Variants in PEDS1 observed in about 807,000 individuals in gnomAD.
PEDS1 encodes the protein plasmanylethanolamine desaturase 1, also known as CarF homolog.
A neutral mutation model predicts 35.2 loss-of-function variants in PEDS1; 14 were observed. The observed-to-expected ratio is 0.40, with a 90% confidence interval of 0.26 to 0.62. The LOEUF (loss-of-function observed/expected upper bound fraction) is 0.62. PEDS1 is among the 20% of genes least tolerant of loss of function. The probability of loss-of-function intolerance (pLI) is 0.44; values close to 1 mark genes in which losing one functional copy is unlikely to be tolerated. For synonymous variants in PEDS1, 152 were observed against 152.0 expected (o/e 1.00, Z 0.00); for missense variants, 260 against 367.8 (o/e 0.71, Z 2.40).
Position 50,124,860 on chromosome 20 carries a change from AGG to A in PEDS1, c.*196_*197del. 1.6e-6 allele frequency: 1 copy of A among 635,038 alleles called. No homozygotes were observed. Among genetic ancestry groups the A allele is most frequent in the Non-Finnish European group, 2.5e-6 (1 of 395,190 alleles). 39.3% of individuals were successfully genotyped at this position (635,038 alleles called of 1,614,324 possible). A position where few individuals can be genotyped will look rare whatever the true frequency, so the allele number is the denominator to read the frequency against. ...AACTCAGGTGGCTGAGGAGGGGCCGAGGAAAAAAAAAAAAAAGAAATGAAAAA... is the reference window on the plus strand; with the variant it reads ...AACTCAGGTGGCTGAGGAGGGGCCGAAAAAAAAAAAAAAAGAAATGAAAAA... On this transcript the variant is annotated 3_prime_UTR_variant, in exon 6 of 6. Transcript: ENST00000371652.
At position 50,121,276 on chromosome 20, in the gene PEDS1, T is replaced by G. The variant is rs2081048693; in HGVS notation, c.*3782A>C. On this transcript the variant is annotated 3_prime_UTR_variant, in exon 6 of 6. Transcript: ENST00000371652. ...TCTCAGGCATGCTGCAGTTGCCTCA[T>G]AGTGGACACATTTCTCACGTGCCAC... 6.6e-6 allele frequency: 1 copy of G among 152,304 alleles called. No homozygotes were observed. Among genetic ancestry groups the G allele is most frequent in the African/African-American group, 2.4e-5 (1 of 41,456 alleles). The allele number at this position is 152,304 out of a possible 1,614,324, so 9.4% of individuals were successfully genotyped here.
intron 2 of PEDS1, among the ~76,000 whole-genome samples, chr20:50,137,526 A>G (rs1377032586): frequency 6.6e-6 from 1 of 152,142 alleles, no homozygotes; most frequent in African/African-American, 2.4e-5. Flanking sequence ...AAAACATCAG[A>G]TAGATACCAA....
chr20:50,126,073 C>T (rs892330814), intron 5 of PEDS1, among the ~76,000 whole-genome samples: 2 of 152,138 alleles, frequency 1.3e-5, no homozygotes, highest in African/African-American at 2.4e-5. Flanking sequence ...TAACCATCTT[C>T]GTTAATTCTC....
intron 2 of PEDS1, 34 bp from the exon 3 acceptor site, chr20:50,130,981 T>C: frequency 6.2e-7 from 1 of 1,614,162 alleles, no homozygotes. Flanking sequence ...GGGACATCCC[T>C]GCACCCCCCC....
intron 1 of PEDS1, among the ~76,000 whole-genome samples, chr20:50,151,683 C>A (rs1194120300): frequency 6.6e-6 from 1 of 152,168 alleles, no homozygotes; most frequent in Non-Finnish European, 1.5e-5. Context: ...CACAGTGAAA[C>A]CCCATCTCTA....
rs141164762 is a variant in PEDS1 at position 50,131,346 on chromosome 20, T to G, written c.242-399A>C. Among the ~76,000 whole-genome samples, 73 of 152,242 alleles carry G rather than the reference T, an allele frequency of 4.8e-4. No homozygotes were observed. In the East Asian group the frequency reaches 8.9e-3, roughly 19 times the overall value. On this transcript the variant is annotated intron_variant, in intron 2 of 5. Transcript: ENST00000371652. ...TTAGAAAGAAAGTACCTCGGCCAGG[T>G]GCGGTGGCTCATGCTTTGTAATCCC...
chr20:50,151,234 G>A (rs764520443), intron 1 of PEDS1: 6 of 1,304,260 alleles, frequency 4.6e-6, no homozygotes, highest in East Asian at 5.5e-5. Flanking sequence ...AGGAGATAAA[G>A]GGCCTTGATT....
At chr20:50,140,524 G>A (rs1290454255) in intron 2 of PEDS1, among the ~76,000 whole-genome samples, 2 of 152,202 alleles carry the variant, frequency 1.3e-5, no homozygotes, top group African/African-American at 4.8e-5. Context: ...CACGAGGCAC[G>A]TGCCAACCTC....
At chr20:50,144,137 C>A (rs1446731956) in intron 1 of PEDS1, among the ~76,000 whole-genome samples, 2 of 152,184 alleles carry the variant, frequency 1.3e-5, no homozygotes, top group African/African-American at 2.4e-5. Context: ...GGGCTGGATG[C>A]ATTAAACCAA....
chr20:50,148,356 G>A (rs1048850218), intron 1 of PEDS1, among the ~76,000 whole-genome samples: 1 of 152,180 alleles, frequency 6.6e-6, no homozygotes, highest in Non-Finnish European at 1.5e-5. Flanking sequence ...TAACAGATGA[G>A]CAGACTGAGG....
intron 1 of PEDS1, among the ~76,000 whole-genome samples, chr20:50,150,941 C>A (rs1351241368): frequency 6.6e-6 from 1 of 152,124 alleles, no homozygotes; most frequent in Non-Finnish European, 1.5e-5. Context: ...AGTGATCCAC[C>A]CACCTCGGCC....
intron 1 of PEDS1, among the ~76,000 whole-genome samples, chr20:50,148,040 A>T (rs2081364173): frequency 6.6e-6 from 1 of 152,232 alleles, no homozygotes; most frequent in Non-Finnish European, 1.5e-5. Flanking sequence ...CAGTGAGCCG[A>T]GATCGTGCCA....
At chr20:50,152,669 T>C (rs1049867649) in intron 1 of PEDS1, among the ~76,000 whole-genome samples, 5 of 152,158 alleles carry the variant, frequency 3.3e-5, no homozygotes, top group Admixed American at 3.3e-4. Context: ...CTCCAACTTA[T>C]GATCTGGTCT....
At chr20:50,147,655 C>T (rs934672197) in intron 1 of PEDS1, among the ~76,000 whole-genome samples, 3 of 152,198 alleles carry the variant, frequency 2.0e-5, no homozygotes, top group Admixed American at 6.5e-5. Context: ...CCATGGAGAA[C>T]GTCCTCCAAA....
Position 50,142,693 on chromosome 20 carries a change from C to CA in PEDS1, c.241+808_241+809insT, listed in dbSNP as rs1049032499. The stretch of plus-strand genomic sequence containing the variant: ...ACCTCAAGTCATCCGCCCCCCCCCC[C>CA]CCGCCCCAACGGCCTCCCACAGTGC... On this transcript the variant is annotated intron_variant, in intron 2 of 5. Coordinates refer to ENST00000371652, the MANE Select transcript of PEDS1 (RefSeq NM_199129.4). 1.4e-4 allele frequency among the ~76,000 whole-genome samples: 14 copies of CA among 102,886 alleles called. 1 individual carries two copies. Among genetic ancestry groups the CA allele is most frequent in the Non-Finnish European group, 2.2e-4 (10 of 45,598 alleles). 67.5% of individuals were successfully genotyped at this position (102,886 alleles called of 152,430 possible).
chr20:50,149,901 C>T (rs915930756), intron 1 of PEDS1, among the ~76,000 whole-genome samples: 2 of 152,162 alleles, frequency 1.3e-5, no homozygotes, highest in African/African-American at 2.4e-5. Flanking sequence ...GGTGCCCCGC[C>T]GTATGACCTC....
chr20:50,153,379 C>T, intron 1 of PEDS1, 138 bp downstream of exon 1: 2 of 1,214,206 alleles, frequency 1.6e-6, no homozygotes, highest in South Asian at 3.6e-5. Flanking sequence ...GGGTGGGGTC[C>T]CCGAACTTGC....
Position 50,128,241 on chromosome 20 carries a change from C to A in PEDS1, c.479-54G>T. ...ACAGCTGTCACTCGGGACGGGGAAC[C>A]CACCCCAAATGGCCCTCACCACCTG... is the stretch of plus-strand genomic sequence containing the variant. On this transcript the variant is annotated intron_variant, in intron 4 of 5. Transcript: ENST00000371652. This position sits in a 1 kb window ranked among gnomAD's most constrained non-coding sequence, Gnocchi z 5.2. 6.2e-7 allele frequency: 1 copy of A among 1,602,258 alleles called. No homozygotes were observed. The highest frequency in any genetic ancestry group is 8.5e-7 in the Non-Finnish European group (1 of 1,174,738).
intron 2 of PEDS1, among the ~76,000 whole-genome samples, chr20:50,140,202 T>C (rs2081278483): frequency 6.6e-6 from 1 of 152,218 alleles, no homozygotes; most frequent in South Asian, 2.1e-4. Context: ...CCTCCAGAAT[T>C]TGACAACGCA....
Sources: allele counts gnomAD v4.1 joint callset (sites outside exome capture counted in the v4.1 genomes callset), GRCh38; gene constraint gnomAD v4.1.1; non-coding constraint Gnocchi (gnomAD v3.1); transcripts MANE v1.5; gene names NCBI Gene and HGNC (gene_info 2026-07-23, HGNC 2026-07-21).